TRAPPC9: variants seen among roughly 807,000 people sequenced by gnomAD.
TRAPPC9 encodes the protein IKK2 binding protein.
In TRAPPC9, 83 loss-of-function variants were observed where a neutral mutation model predicts 124.0. The ratio of observed to expected loss-of-function variants is 0.67; its 90% CI spans 0.56 to 0.80. The LOEUF (loss-of-function observed/expected upper bound fraction) is 0.80. Among genes scored for constraint, TRAPPC9 ranks in the 30% least tolerant of loss-of-function variants. The probability of loss-of-function intolerance (pLI) is 0.00; values close to 1 mark genes in which losing one functional copy is unlikely to be tolerated. For synonymous variants in TRAPPC9, 638 were observed against 617.5 expected (o/e 1.03, Z -0.49); for missense variants, 1,302 against 1,508.3 (o/e 0.86, Z 2.27).
At chr8:139,934,248 A>G (rs1833375607) in intron 19 of TRAPPC9, among the ~76,000 whole-genome samples, 1 of 151,912 alleles carries the variant, frequency 6.6e-6, no homozygotes, top group Non-Finnish European at 1.5e-5. Flanking sequence ...AGATTAGGCA[A>G]ATGTGGCTGA....
intron 21 of TRAPPC9, among the ~76,000 whole-genome samples, chr8:139,842,623 CG>C (rs1826806029): frequency 6.7e-6 from 1 of 148,432 alleles, no homozygotes; most frequent in Admixed American, 6.7e-5. Flanking sequence ...GCATGGCCCC[CG>C]CCTGAGAAGG....
chr8:140,364,890 T>C (rs1050543051), intron 8 of TRAPPC9, among the ~76,000 whole-genome samples: 2 of 151,792 alleles, frequency 1.3e-5, no homozygotes, highest in African/African-American at 4.8e-5. Flanking sequence ...CCTTTTAAAA[T>C]GTAAATCCTA....
At chr8:140,075,742 A>G (rs950133653) in intron 17 of TRAPPC9, among the ~76,000 whole-genome samples, 2 of 152,188 alleles carry the variant, frequency 1.3e-5, no homozygotes, top group African/African-American at 4.8e-5. Context: ...GATGCCCTTC[A>G]CTGTAGAGGC....
chr8:139,760,735 C>T (rs538224116), intron 21 of TRAPPC9, among the ~76,000 whole-genome samples: 2 of 152,236 alleles, frequency 1.3e-5, no homozygotes, highest in East Asian at 3.9e-4. Flanking sequence ...ACGTGGATGG[C>T]GACAGGCAAA....
At chr8:140,268,456 G>A (rs1287252411) in intron 15 of TRAPPC9, among the ~76,000 whole-genome samples, 1 of 152,226 alleles carries the variant, frequency 6.6e-6, no homozygotes, top group Non-Finnish European at 1.5e-5. Context: ...ATGTACCGCA[G>A]CTTGGAACAA....
intron 14 of TRAPPC9, among the ~76,000 whole-genome samples, chr8:140,282,427 C>T (rs1454354886): frequency 1.3e-5 from 2 of 150,586 alleles, no homozygotes; most frequent in African/African-American, 2.5e-5. Context: ...TGCTTGAACC[C>T]GGGAGGTGAA....
intron 9 of TRAPPC9, among the ~76,000 whole-genome samples, chr8:140,314,041 T>C (rs1435343638): frequency 6.6e-6 from 1 of 152,210 alleles, no homozygotes; most frequent in Non-Finnish European, 1.5e-5. Flanking sequence ...AATTACAAAC[T>C]GGTGATTTTC....
chr8:140,425,592 T>G (rs1256905161), intron 5 of TRAPPC9, among the ~76,000 whole-genome samples: 6 of 152,142 alleles, frequency 3.9e-5, no homozygotes, highest in African/African-American at 1.5e-4. Context: ...ACACATCTAA[T>G]TCTCCTACAA....
chr8:140,085,338 T>TAAAAA (rs11423500), intron 17 of TRAPPC9, among the ~76,000 whole-genome samples: 1 of 143,258 alleles, frequency 7.0e-6, no homozygotes. Flanking sequence ...TCTTACTGTT[T>TAAAAA]AAAAAAAAAA....
intron 11 of TRAPPC9, among the ~76,000 whole-genome samples, chr8:140,299,395 A>G (rs984408977): frequency 2.6e-5 from 4 of 152,244 alleles, no homozygotes; most frequent in African/African-American, 7.2e-5. Context: ...AAAGAAAAGC[A>G]TGGTGGAAAA....
chr8:140,046,331 C>T (rs1228393444), intron 17 of TRAPPC9, among the ~76,000 whole-genome samples: 1 of 152,268 alleles, frequency 6.6e-6, no homozygotes. Context: ...CAAGGAAAGG[C>T]AAGGAGCCCA....
chr8:140,376,856 A>G (rs1303850053), intron 7 of TRAPPC9, among the ~76,000 whole-genome samples: 2 of 145,536 alleles, frequency 1.4e-5, no homozygotes, highest in East Asian at 4.0e-4. Context: ...CAGCACAACA[A>G]GAGCGAGGCT....
intron 17 of TRAPPC9, chr8:140,095,751 T>C (rs1464703450): frequency 6.6e-6 from 1 of 152,048 alleles, no homozygotes; most frequent in East Asian, 1.9e-4. Context: ...AAATTTTCAG[T>C]GGGGTGCTCA....
Position 139,835,940 on chromosome 8 carries a change from C to CATCT in TRAPPC9, c.3055+49935_3055+49938dup, listed in dbSNP as rs573778909. Among the ~76,000 whole-genome samples the CATCT allele has an allele frequency of 2.1e-4, 32 of 152,264 alleles. No individual in the cohort carries two copies. The East Asian group carries it at 5.6e-3, about 27-fold the overall frequency. The stretch of plus-strand genomic sequence containing the variant: ...TTATATATATCTATATCTACCTACC[C>CATCT]ATCTATCTATCATAAATGCTATTTT... On this transcript the variant is annotated intron_variant, in intron 21 of 22. Coordinates refer to ENST00000438773, the MANE Select transcript of TRAPPC9 (RefSeq NM_001160372.4).
At chr8:140,070,841 C>T (rs1040287272) in intron 17 of TRAPPC9, among the ~76,000 whole-genome samples, 1 of 152,190 alleles carries the variant, frequency 6.6e-6, no homozygotes, top group Admixed American at 6.5e-5. Context: ...ACAAGCATTG[C>T]CAGGCAGCTG....
intron 12 of TRAPPC9, among the ~76,000 whole-genome samples, chr8:140,288,655 T>C (rs2065558706): frequency 6.6e-6 from 1 of 152,108 alleles, no homozygotes; most frequent in South Asian, 2.1e-4. Context: ...CTATGGAATC[T>C]ACAATGAAAC....
intron 9 of TRAPPC9, among the ~76,000 whole-genome samples, chr8:140,355,247 A>G (rs981939488): frequency 6.6e-6 from 1 of 152,226 alleles, no homozygotes; most frequent in Non-Finnish European, 1.5e-5. Context: ...CGCAATTTAT[A>G]TCTAATGGAA....
chr8:139,775,703 C>A (rs1821309447), intron 21 of TRAPPC9, among the ~76,000 whole-genome samples: 1 of 152,186 alleles, frequency 6.6e-6, no homozygotes, highest in African/African-American at 2.4e-5. Flanking sequence ...TGGGGCCACC[C>A]CGACATCCCC....
intron 9 of TRAPPC9, among the ~76,000 whole-genome samples, chr8:140,332,676 C>T (rs534434065): frequency 2.2e-4 from 34 of 152,104 alleles, no homozygotes; most frequent in Non-Finnish European, 3.7e-4. Flanking sequence ...AGAATCTGCA[C>T]ATCTAACTAT....
Sources: allele counts gnomAD v4.1 joint callset (sites outside exome capture counted in the v4.1 genomes callset), GRCh38; gene constraint gnomAD v4.1.1; transcripts MANE v1.5; gene names NCBI Gene and HGNC (gene_info 2026-07-23, HGNC 2026-07-21).